GCNT1: variants seen among roughly 807,000 people sequenced by gnomAD.
GCNT1 encodes beta-1,3-galactosyl-O-glycosyl-glycoprotein beta-1,6-N-acetylglucosaminyltransferase.
A neutral mutation model predicts 26.2 loss-of-function variants in GCNT1; 16 were observed. The ratio of observed to expected loss-of-function variants is 0.61; its 90% CI spans 0.41 to 0.93. The LOEUF (loss-of-function observed/expected upper bound fraction) is 0.93, where lower values mean the gene tolerates loss of function less well. Among genes scored for constraint, GCNT1 ranks in the 40% least tolerant of loss-of-function variants. GCNT1 has a pLI of 0.00. For missense variants in GCNT1, 477 were observed against 526.7 expected (o/e 0.91, Z 0.92); for synonymous variants, 183 against 190.8 (o/e 0.96, Z 0.34).
At chr9:76,474,139 C>A (rs554378226) in intron 2 of GCNT1, among the ~76,000 whole-genome samples, 2 of 152,194 alleles carry the variant, frequency 1.3e-5, no homozygotes, top group East Asian at 3.9e-4. Context: ...CACTAGTAAT[C>A]AAAGAAATCA....
rs572006515 is a variant in GCNT1, at chr9:76,450,754, C to T, written c.-290+8439C>T. 2.0e-5 allele frequency among the ~76,000 whole-genome samples: 3 copies of T among 152,222 alleles called. No individual in the cohort carries two copies. The South Asian group carries it at 6.2e-4, about 32-fold the overall frequency. ...GGTGCATATTTTTACGTAAACACCC[C>T]TTTATTTGAAAAATTAATTTTTGCT... is the stretch of plus-strand genomic sequence containing the variant. On this transcript the variant is annotated intron_variant, in intron 1 of 2. Coordinates refer to the GCNT1 transcript ENST00000442371.
At chr9:76,466,070 G>A (rs1823987106) in intron 2 of GCNT1, among the ~76,000 whole-genome samples, 1 of 152,150 alleles carries the variant, frequency 6.6e-6, no homozygotes, top group Admixed American at 6.5e-5. Flanking sequence ...GCTGTTGCAT[G>A]TAAGTATTAC....
rs1587438924 is a variant in GCNT1 at position 76,478,491 on chromosome 9, G to A, written c.-290+18314G>A. On this transcript the variant is annotated intron_variant, in intron 2 of 3. Coordinates refer to ENST00000376730, the MANE Select transcript of GCNT1 (RefSeq NM_001490.5). ...AACTCCAGATGCATCATCTTTAAGA[G>A]CTGTAATACTCACCGGGAGGGTCCG... 1.3e-5 allele frequency among the ~76,000 whole-genome samples: 2 copies of A among 152,312 alleles called. 1 individual carries two copies. Among genetic ancestry groups the A allele is most frequent in the South Asian group, 4.1e-4 (2 of 4,822 alleles).
upstream of GCNT1, among the ~76,000 whole-genome samples, chr9:76,437,098 A>G (rs1378435087): frequency 6.6e-6 from 1 of 152,172 alleles, no homozygotes; most frequent in African/African-American, 2.4e-5. Context: ...CCTAGAACTT[A>G]AAGTATAATA....
At chr9:76,497,698 A>T (rs1275757698) in intron 2 of GCNT1, among the ~76,000 whole-genome samples, 1 of 152,020 alleles carries the variant, frequency 6.6e-6, no homozygotes, top group Non-Finnish European at 1.5e-5. Context: ...TTTCGAGGTG[A>T]CCCTTTCATG....
At chr9:76,454,386 GAAAAA>G (rs71372084), upstream of GCNT1, among the ~76,000 whole-genome samples, 7 of 39,620 alleles carry the variant, frequency 1.8e-4, no homozygotes, top group African/African-American at 4.3e-4. Context: ...TCTCAGAAAA[GAAAAA>G]AAAAAAAAAA....
intron 2 of GCNT1, among the ~76,000 whole-genome samples, chr9:76,494,127 C>T (rs1392711843): frequency 1.3e-5 from 2 of 151,918 alleles, no homozygotes; most frequent in African/African-American, 4.8e-5. Context: ...GGAATAGTTG[C>T]ACTCACCGAC....
Position 76,442,683 on chromosome 9 carries a change from AAAAG to A in GCNT1, c.-290+380_-290+383del, listed in dbSNP as rs1206501689. Among the ~76,000 whole-genome samples, 8 of 152,304 alleles carry A rather than the reference AAAAG, an allele frequency of 5.3e-5. No homozygotes were observed. In the South Asian group the frequency reaches 6.2e-4, roughly 12 times the overall value. ...GCGACAGAGTGAGACTCCATCTCAA[AAAAG>A]AAAGAAAGAAACTAACACAGTGGTT... On this transcript the variant is annotated intron_variant, in intron 1 of 2. Transcript: ENST00000442371.
chr9:76,400,197 C>T, the GCNT1 span, among the ~76,000 whole-genome samples: 3 of 152,198 alleles, frequency 2.0e-5, no homozygotes, highest in Non-Finnish European at 2.9e-5. Flanking sequence ...TAGAACTATA[C>T]AGCAACAGCA....
intron 1 of GCNT1, among the ~76,000 whole-genome samples, chr9:76,425,182 G>T (rs565196574): frequency 2.8e-5 from 4 of 143,356 alleles, no homozygotes; most frequent in Admixed American, 2.1e-4. Flanking sequence ...ATCACAAAAA[G>T]TTCACATGAA....
At chr9:76,443,757 T>C (rs1345800581) in intron 1 of GCNT1, among the ~76,000 whole-genome samples, 2 of 152,084 alleles carry the variant, frequency 1.3e-5, no homozygotes, top group Non-Finnish European at 2.9e-5. Flanking sequence ...GGTGCATGCC[T>C]ATAGTCCCAG....
chr9:76,439,395 T>G (rs1340969620), upstream of GCNT1, among the ~76,000 whole-genome samples: 1 of 152,074 alleles, frequency 6.6e-6, no homozygotes, highest in Non-Finnish European at 1.5e-5. Context: ...AGGCTAATTT[T>G]GGTATTTCTA....
intron 1 of GCNT1, among the ~76,000 whole-genome samples, chr9:76,434,942 C>T (rs1307069615): frequency 6.6e-6 from 1 of 152,056 alleles, no homozygotes; most frequent in Non-Finnish European, 1.5e-5. Context: ...GAAATCCCAC[C>T]CTGGTAAATT....
In GCNT1 at chr9:76,504,526, T is replaced by A. The variant is rs1267113694; in HGVS notation, c.*858T>A. ...GGACCCTAAATTATTGTCTCTGCTA[T>A]CTGACTGCCAGTAATTAGTGCAGAA... On this transcript the variant is annotated 3_prime_UTR_variant, in exon 4 of 4. Coordinates refer to ENST00000376730, the MANE Select transcript of GCNT1 (RefSeq NM_001490.5). The A allele has an allele frequency of 7.8e-6, 3 of 382,528 alleles. No homozygotes were observed. The East Asian group carries it at 1.2e-4, about 15-fold the overall frequency. The allele number at this position is 382,528 out of a possible 1,614,324, so 23.7% of individuals were successfully genotyped here.
At chr9:76,427,389 A>G (rs1051050457) in intron 1 of GCNT1, among the ~76,000 whole-genome samples, 2 of 152,100 alleles carry the variant, frequency 1.3e-5, no homozygotes, top group Non-Finnish European at 2.9e-5. Context: ...CAAGTTGCCC[A>G]GGCTGGTCTC....
chr9:76,415,206 C>T (rs758120569), upstream of GCNT1, among the ~76,000 whole-genome samples: 1 of 152,078 alleles, frequency 6.6e-6, no homozygotes, highest in South Asian at 2.1e-4. Flanking sequence ...TACAGGCACG[C>T]ACCACATACC....
At chr9:76,428,702 T>TTG (rs1823293572) in intron 1 of GCNT1, among the ~76,000 whole-genome samples, 1 of 149,826 alleles carries the variant, frequency 6.7e-6, no homozygotes. Context: ...GTATTCTATT[T>TTG]TTTTTTTTTT....
the GCNT1 span, among the ~76,000 whole-genome samples, chr9:76,399,981 G>C: frequency 6.6e-6 from 1 of 152,304 alleles, no homozygotes; most frequent in East Asian, 1.9e-4. Context: ...AGTCTGAAAA[G>C]GCTACATAAC....
chr9:76,420,594 C>G (rs1823176558), intron 1 of GCNT1: 1 of 152,082 alleles, frequency 6.6e-6, no homozygotes, highest in African/African-American at 2.4e-5. Flanking sequence ...ACAGTTATGA[C>G]TAAAGACATC....
Sources: allele counts gnomAD v4.1 joint callset (sites outside exome capture counted in the v4.1 genomes callset), GRCh38; gene constraint gnomAD v4.1.1; transcripts MANE v1.5; gene names NCBI Gene and HGNC (gene_info 2026-07-23, HGNC 2026-07-21).